The following F5 variants were observed in gnomAD, a reference collection of about 807,000 sequenced individuals.
F5 encodes the protein activated protein c cofactor.
In F5, 138 loss-of-function variants were observed where a neutral mutation model predicts 216.4. That is an observed-to-expected ratio of 0.64 (90% CI 0.56 to 0.73). The LOEUF (loss-of-function observed/expected upper bound fraction) is 0.73, where lower values mean the gene tolerates loss of function less well. Ranked by LOEUF, F5 falls within the 30% of genes least tolerant of loss-of-function variation. The pLI, the probability that F5 is intolerant of heterozygous loss-of-function variation, is 0.00. For missense variants in F5, 2,403 were observed against 2,674.0 expected, an observed-to-expected ratio of 0.90 and a Z score of 2.24; for synonymous variants, 916 against 930.7, an observed-to-expected ratio of 0.98 and a Z score of 0.29.
chr1:169,564,660 AT>A (rs1660559696), intron 3 of F5, among the ~76,000 whole-genome samples: 1 of 151,984 alleles, frequency 6.6e-6, no homozygotes, highest in African/African-American at 2.4e-5. Flanking sequence ...CATATAAAAT[AT>A]TTTTTTACAT....
Position 169,513,739 on chromosome 1 carries a change from A to G in F5, c.*574T>C, listed in dbSNP as rs1659087404. On this transcript the variant is annotated 3_prime_UTR_variant, in exon 25 of 25. Coordinates refer to ENST00000367797, the MANE Select transcript of F5 (RefSeq NM_000130.5). The stretch of plus-strand genomic sequence containing the variant: ...AATGTGTGCAGTCCTTAGGGAGACC[A>G]GGACGGATTCACAATTTCAATGGGG... Among the ~76,000 whole-genome samples the G allele has an allele frequency of 1.3e-5, 2 of 152,142 alleles. No homozygotes were observed. Among genetic ancestry groups the G allele is most frequent in the African/African-American group, 4.8e-5 (2 of 41,448 alleles).
chr1:169,525,507 A>G (rs974345859), intron 18 of F5, among the ~76,000 whole-genome samples: 2 of 152,192 alleles, frequency 1.3e-5, no homozygotes, highest in African/African-American at 4.8e-5. Flanking sequence ...TAATGGCTTA[A>G]AGAATGGATG....
intron 1 of F5, among the ~76,000 whole-genome samples, chr1:169,585,390 A>G (rs1172388954): frequency 6.6e-6 from 1 of 152,228 alleles, no homozygotes; most frequent in Non-Finnish European, 1.5e-5. Context: ...GATGTAAGGA[A>G]AAAAAGTGAG....
In F5 at chr1:169,584,275, AATCT is replaced by A. The variant is rs575889195; in HGVS notation, c.159-1757_159-1754del. 1.8e-3 allele frequency among the ~76,000 whole-genome samples: 269 copies of A among 152,356 alleles called. No individual in the cohort carries two copies. The South Asian group carries it at 0.021, about 12-fold the overall frequency. ...ATCTGAACAATTTCTATTGGAAAAT[AATCT>A]ATCTGATTAAAAAGTTACAGATCAT... On this transcript the variant is annotated intron_variant, in intron 1 of 24. Transcript: ENST00000367797.
In F5 at chr1:169,541,289, A is replaced by G. The variant is rs559683767; in HGVS notation, c.3801T>C (p.Leu1267=). ...GGGGCATCTGACCGAGGGCTGGAGA[A>G]AGGTTTGTCTGACTGAGTTCTGGAG... The part of the protein sequence containing the change: ...NLSPELSQTN[L]SPALGQMPLS... The change falls in exon 13 of 25, where the codon CTT becomes CTC. Residue 1267 remains leucine, a synonymous_variant. Transcript: ENST00000367797. The G allele has an allele frequency of 2.4e-5, 37 of 1,553,124 alleles. No individual in the cohort carries two copies. Among genetic ancestry groups the G allele is most frequent in the Admixed American group, 5.4e-5 (3 of 55,400 alleles).
At chr1:169,546,634 C>T in intron 10 of F5, 42 bp from the exon 11 acceptor site, 1 of 1,571,906 alleles carries the variant, frequency 6.4e-7, no homozygotes, top group Non-Finnish European at 8.8e-7. Flanking sequence ...AGAACAGACG[C>T]ATAGACCAAT....
chr1:169,527,848 A>T (rs779674428), intron 17 of F5, 67 bp downstream of exon 17: 54 of 1,575,440 alleles, frequency 3.4e-5, no homozygotes, highest in Non-Finnish European at 4.7e-5. Context: ...AGAAATGAGA[A>T]GGAGTTACAG....
rs1262837618 is a variant in F5, at chr1:169,586,433, C to A, written c.-47G>T. 1 of 1,590,830 alleles carries A rather than the reference C, an allele frequency of 6.3e-7. No individual in the cohort carries two copies. Among genetic ancestry groups the A allele is most frequent in the Non-Finnish European group, 8.5e-7 (1 of 1,172,574 alleles). On this transcript the variant is annotated 5_prime_UTR_variant, in exon 1 of 25. Coordinates refer to ENST00000367797, the MANE Select transcript of F5 (RefSeq NM_000130.5). ...GGCTGCCACCACCCCAGGACCTGGG[C>A]AGCGCTTGCCGAGCTGCTAACCACA...
At chr1:169,580,715 T>A (rs1660968056) in intron 2 of F5, among the ~76,000 whole-genome samples, 1 of 152,078 alleles carries the variant, frequency 6.6e-6, no homozygotes, top group Admixed American at 6.5e-5. Context: ...TAAATGCAGA[T>A]CTGTTTAAAA....
intron 14 of F5, among the ~76,000 whole-genome samples, chr1:169,533,131 A>C (rs1659627372): frequency 6.6e-6 from 1 of 152,138 alleles, no homozygotes; most frequent in Admixed American, 6.5e-5. Flanking sequence ...CAACAACAAC[A>C]AAAAACAAGG....
chr1:169,578,938 T>C (rs1003154791), intron 2 of F5, among the ~76,000 whole-genome samples: 2 of 152,172 alleles, frequency 1.3e-5, no homozygotes, highest in African/African-American at 4.8e-5. Flanking sequence ...ACATTTTCTA[T>C]TGGAAAGGAC....
rs2228668 is a variant in F5, at chr1:169,541,508, G to C, written c.3582C>G (p.Thr1194=). 6.2e-7 allele frequency: 1 copy of C among 1,613,964 alleles called. No homozygotes were observed. Among genetic ancestry groups the C allele is most frequent in the African/African-American group, 1.3e-5 (1 of 74,980 alleles). ...TVISPDLSQV[T]LSPELSQTNL... is the part of the protein sequence containing the mutation. ...TTGTCTGGCTGAGTTCTGGAGAGAG[G>C]GTCACCTGGCTGAGGTCTGGAGAGA... Residue 1194 remains threonine (T), a synonymous_variant, in exon 13 of 25, where the codon ACC becomes ACG. Coordinates refer to ENST00000367797, the MANE Select transcript of F5 (RefSeq NM_000130.5).
At chr1:169,535,561 A>C (rs1351748914) in intron 14 of F5, among the ~76,000 whole-genome samples, 1 of 152,106 alleles carries the variant, frequency 6.6e-6, no homozygotes, top group African/African-American at 2.4e-5. Flanking sequence ...TCCAATGTCC[A>C]TTATACCAAT....
At chr1:169,523,691 C>T (rs1659363365) in intron 20 of F5, 110 bp downstream of exon 20, 3 of 1,017,570 alleles carry the variant, frequency 2.9e-6, no homozygotes, top group Non-Finnish European at 4.6e-6. Context: ...ACACTTAGTA[C>T]TTGCTATTTC....
chr1:169,545,722 C>T (rs948686204), intron 11 of F5, among the ~76,000 whole-genome samples: 9 of 152,168 alleles, frequency 5.9e-5, no homozygotes, highest in Admixed American at 4.6e-4. Flanking sequence ...ACAGAACATG[C>T]AGAAATCATC....
At chr1:169,557,316 G>T (rs557773157) in intron 5 of F5, among the ~76,000 whole-genome samples, 1 of 152,170 alleles carries the variant, frequency 6.6e-6, no homozygotes, top group Non-Finnish European at 1.5e-5. Flanking sequence ...CACCAGAACC[G>T]CCAATAGGGC....
chr1:169,520,747 T>G, intron 21 of F5, 83 bp from the exon 22 acceptor site: 1 of 1,145,146 alleles, frequency 8.7e-7, no homozygotes, highest in Non-Finnish European at 1.3e-6. Context: ...AATTTAATAT[T>G]GTAATACTAC....
intron 3 of F5, among the ~76,000 whole-genome samples, chr1:169,562,002 C>T (rs950617700): frequency 1.3e-5 from 2 of 151,778 alleles, no homozygotes; most frequent in African/African-American, 4.8e-5. Context: ...TATTCCCCAC[C>T]CTCCTTCCCT....
At chr1:169,526,101 C>T in intron 17 of F5, 84 bp from the exon 18 acceptor site, 1 of 938,356 alleles carries the variant, frequency 1.1e-6, no homozygotes, top group Non-Finnish European at 1.7e-6. Flanking sequence ...TCCTAAAATT[C>T]CTGCTTCACA....
Sources: gnomAD v4.1 joint callset for allele counts (sites outside exome capture counted in the v4.1 genomes callset) on GRCh38, gnomAD v4.1.1 for gene constraint, MANE v1.5 for transcripts, NCBI Gene and HGNC (gene_info 2026-07-23, HGNC 2026-07-21) for gene names.